Variants in SLC7A1 observed in about 807,000 individuals in gnomAD.
The protein encoded by SLC7A1 is high affinity cationic amino acid transporter 1.
SLC7A1 carries 10 observed loss-of-function variants against 53.9 expected under a neutral mutation model. The observed-to-expected ratio is 0.19, with a 90% CI of 0.11 to 0.31. The LOEUF (loss-of-function observed/expected upper bound fraction) is 0.31. Among genes scored for constraint, SLC7A1 ranks in the 10% least tolerant of loss-of-function variants. SLC7A1 has a pLI of 1.00. For synonymous variants in SLC7A1, 342 were observed against 338.7 expected, an observed-to-expected ratio of 1.01 and a Z score of -0.11; for missense variants, 525 against 827.2, an observed-to-expected ratio of 0.63 and a Z score of 4.48.
intron 2 of SLC7A1, among the ~76,000 whole-genome samples, chr13:29,547,346 T>C (rs185569040): frequency 6.6e-6 from 1 of 152,168 alleles, no homozygotes; most frequent in Admixed American, 6.5e-5. Flanking sequence ...TGAGGAAAAG[T>C]GGGTAATTTT....
In SLC7A1 at chr13:29,510,291, A is replaced by C. The variant is rs1177917036; in HGVS notation, c.*4189T>G. Reference sequence around the variant, plus strand: ...CAGAAAGGCTGGACTCGAGGAATCGAGGGGTGAAGATGGAGTCGGCTGACA... The same window carrying C: ...CAGAAAGGCTGGACTCGAGGAATCGCGGGGTGAAGATGGAGTCGGCTGACA... On this transcript the variant is annotated 3_prime_UTR_variant, in exon 13 of 13. Coordinates refer to ENST00000380752, the MANE Select transcript of SLC7A1 (RefSeq NM_003045.5). 6.6e-6 allele frequency: 1 copy of C among 152,598 alleles called. No homozygotes were observed. Among genetic ancestry groups the C allele is most frequent in the Admixed American group, 6.5e-5 (1 of 15,276 alleles). 9.5% of individuals were successfully genotyped at this position (152,598 alleles called of 1,614,324 possible). A position where few individuals can be genotyped will look rare whatever the true frequency, so the allele number is the denominator to read the frequency against.
rs9314963 is a variant in SLC7A1 at position 29,580,570 on chromosome 13, G to A, written c.-115+14846C>T. On this transcript the variant is annotated intron_variant, in intron 1 of 12. Transcript: ENST00000380752. The stretch of plus-strand genomic sequence containing the variant: ...TGGAAACAAGTCTTAATTTCCTCAC[G>A]TGGCTGCTTCACTAAACAATCAAGA... Among the ~76,000 whole-genome samples the A allele has an allele frequency of 7.8e-3, 1,189 of 152,130 alleles. 8 individuals are homozygous for A. The highest frequency in any genetic ancestry group is 0.037 in the Middle Eastern group (11 of 294).
intron 1 of SLC7A1, among the ~76,000 whole-genome samples, chr13:29,589,484 C>T (rs929033462): frequency 6.6e-5 from 10 of 152,260 alleles, no homozygotes; most frequent in African/African-American, 2.4e-4. Flanking sequence ...CACACACCGG[C>T]TCCTGACACT....
rs749924710 is a variant in SLC7A1, at chr13:29,536,199, A to C, written c.-11T>G. ...GACTTTGCACCCCATGTTGCTGTTC[A>C]GAGCTGTTGAAAAAGAACAAAGATG... On this transcript the variant is annotated 5_prime_UTR_variant, in exon 3 of 13. Transcript: ENST00000380752. 5 of 1,602,234 alleles carry C rather than the reference A, an allele frequency of 3.1e-6. No individual in the cohort carries two copies. The highest frequency in any genetic ancestry group is 1.3e-5 in the African/African-American group (1 of 74,664).
chr13:29,582,740 G>A (rs767983793), intron 1 of SLC7A1, among the ~76,000 whole-genome samples: 16 of 152,174 alleles, frequency 1.1e-4, no homozygotes, highest in Non-Finnish European at 1.9e-4. Flanking sequence ...TTGTATGCAC[G>A]TGTGGTCTAG....
At chr13:29,534,258 G>A (rs1869305838) in intron 3 of SLC7A1, among the ~76,000 whole-genome samples, 1 of 152,184 alleles carries the variant, frequency 6.6e-6, no homozygotes, top group Admixed American at 6.5e-5. Context: ...TTTTTATAAT[G>A]CATGCAAATG....
At chr13:29,540,703 C>A (rs926815019) in intron 2 of SLC7A1, among the ~76,000 whole-genome samples, 2 of 152,164 alleles carry the variant, frequency 1.3e-5, no homozygotes, top group African/African-American at 4.8e-5. Context: ...GAAGCCAATG[C>A]TTTTAGCTTC....
intron 8 of SLC7A1, 25 bp from the exon 9 acceptor site, chr13:29,519,574 C>A: frequency 1.4e-6 from 2 of 1,423,036 alleles, no homozygotes; most frequent in African/African-American, 1.4e-5. Context: ...ACACCAGGAT[C>A]TGTGGAGGGC....
intron 2 of SLC7A1, among the ~76,000 whole-genome samples, chr13:29,547,613 C>G (rs1263990457): frequency 6.6e-6 from 1 of 152,154 alleles, no homozygotes; most frequent in Non-Finnish European, 1.5e-5. Flanking sequence ...GTGGTTCCTT[C>G]CATATTTCGA....
chr13:29,588,984 G>T (rs2139193618), intron 1 of SLC7A1, among the ~76,000 whole-genome samples: 1 of 152,254 alleles, frequency 6.6e-6, no homozygotes, highest in East Asian at 1.9e-4. Flanking sequence ...CCTAGACCAG[G>T]CCTCATCCCA....
intron 2 of SLC7A1, 85 bp downstream of exon 2, chr13:29,553,676 C>T (rs1393033918): frequency 2.6e-5 from 4 of 152,144 alleles, no homozygotes; most frequent in Admixed American, 2.0e-4. Context: ...AGTCAACAGA[C>T]AACTAGCAGT....
chr13:29,590,804 A>C (rs573867407), intron 1 of SLC7A1, among the ~76,000 whole-genome samples: 1 of 152,308 alleles, frequency 6.6e-6, no homozygotes, highest in Admixed American at 6.5e-5. Flanking sequence ...AAGTTGTTGT[A>C]AAAATTATTT....
chr13:29,518,823 G>C (rs932455706), intron 9 of SLC7A1, among the ~76,000 whole-genome samples: 5 of 152,108 alleles, frequency 3.3e-5, no homozygotes, highest in Non-Finnish European at 7.4e-5. Flanking sequence ...GCTGCGCAGG[G>C]ATGTGCTTTG....
chr13:29,521,703 G>A (rs554222014), intron 8 of SLC7A1, among the ~76,000 whole-genome samples: 1 of 152,100 alleles, frequency 6.6e-6, no homozygotes, highest in African/African-American at 2.4e-5. Context: ...CTGGGGCCCT[G>A]GAACACCTAC....
intron 1 of SLC7A1, among the ~76,000 whole-genome samples, chr13:29,559,572 C>T (rs1172701087): frequency 1.3e-5 from 2 of 151,400 alleles, no homozygotes; most frequent in African/African-American, 4.9e-5. Flanking sequence ...AATGTGAAGG[C>T]CTAGGACATG....
intron 1 of SLC7A1, among the ~76,000 whole-genome samples, chr13:29,580,541 C>G (rs999898797): frequency 6.6e-6 from 1 of 152,182 alleles, no homozygotes; most frequent in African/African-American, 2.4e-5. Flanking sequence ...GCCTTTTTCA[C>G]ACCTGGAAAC....
At position 29,562,075 on chromosome 13, in the gene SLC7A1, C is replaced by T. The variant is rs1044356091; in HGVS notation, c.-114-8215G>A. Among the ~76,000 whole-genome samples, 15 of 152,218 alleles carry T rather than the reference C, an allele frequency of 9.9e-5. No homozygotes were observed. The South Asian group carries it at 1.0e-3, about 11-fold the overall frequency. On this transcript the variant is annotated intron_variant, in intron 1 of 12. Transcript: ENST00000380752. ...GTATCACGTTCCCCTGCATTCCTGACGGACCCACACTTCCTGACTTCCGTA... is the reference window on the plus strand; with the variant it reads ...GTATCACGTTCCCCTGCATTCCTGATGGACCCACACTTCCTGACTTCCGTA...
chr13:29,587,593 C>T (rs1001800171), intron 1 of SLC7A1, among the ~76,000 whole-genome samples: 1 of 152,220 alleles, frequency 6.6e-6, no homozygotes, highest in African/African-American at 2.4e-5. Context: ...CCATCCTTAA[C>T]CTCTGCCAAG....
rs147286758 is a variant in SLC7A1, at chr13:29,589,217, G to T, written c.-115+6199C>A. On this transcript the variant is annotated intron_variant, in intron 1 of 12. Transcript: ENST00000380752. Reference sequence around the variant, plus strand: ...GCCAAGCCAAGGGCAGGATGACAGCGGCCACTGGCCTTAAGAAGGATGGAA... The same window carrying T: ...GCCAAGCCAAGGGCAGGATGACAGCTGCCACTGGCCTTAAGAAGGATGGAA... Among the ~76,000 whole-genome samples, 413 of 152,352 alleles carry T rather than the reference G, an allele frequency of 2.7e-3. 3 individuals are homozygous for T. Among genetic ancestry groups the T allele is most frequent in the African/African-American group, 9.4e-3 (389 of 41,580 alleles).
Sources: gnomAD v4.1 joint callset for allele counts (sites outside exome capture counted in the v4.1 genomes callset) on GRCh38, gnomAD v4.1.1 for gene constraint, MANE v1.5 for transcripts, NCBI Gene and HGNC (gene_info 2026-07-23, HGNC 2026-07-21) for gene names.